The following WEE1 variants were observed in gnomAD, a reference collection of about 807,000 sequenced individuals.
WEE1 encodes WEE1 G2 checkpoint kinase, also known as wee1-like protein kinase.
In WEE1, 16 loss-of-function variants were observed where a neutral mutation model predicts 68.8. The observed-to-expected ratio is 0.23, with a 90% CI of 0.16 to 0.35. The LOEUF (loss-of-function observed/expected upper bound fraction) is 0.35. Among genes scored for constraint, WEE1 ranks in the 10% least tolerant of loss-of-function variants. WEE1 has a pLI of 1.00. For synonymous variants in WEE1, 349 were observed against 318.7 expected (o/e 1.09, Z -1.01); for missense variants, 651 against 824.1 (o/e 0.79, Z 2.57).
At chr11:9,575,057 C>G (rs571874389) in intron 1 of WEE1, 1 of 985,660 alleles carries the variant, frequency 1.0e-6, no homozygotes, top group East Asian at 1.1e-4. Flanking sequence ...GGCTGGCCTT[C>G]CAAGCATTTA....
chr11:9,574,404 C>T lies in WEE1; in HGVS notation c.471C>T (p.Arg157=). 8.2e-7 allele frequency: 1 copy of T among 1,213,306 alleles called. No homozygotes were observed. The highest frequency in any genetic ancestry group is 1.0e-6 in the Non-Finnish European group (1 of 980,528). The allele number at this position is 1,213,306 out of a possible 1,614,324, so 75.2% of individuals were successfully genotyped here. ...GDASPRGCGA[R]RAGEGRRSPR... The stretch of plus-strand genomic sequence containing the variant: ...CGTCGCCGCGGGGTTGCGGGGCGCG[C>T]CGGGCGGGCGAAGGCCGCCGCTCGC... The change falls in exon 1 of 11, where the codon CGC becomes CGT. Residue 157 remains arginine (R), a synonymous_variant. Transcript: ENST00000450114. The surrounding 1 kb of genome is among the most constrained non-coding windows in gnomAD (Gnocchi z 4.9).
rs1589975947 is a variant in WEE1 at position 9,574,615 on chromosome 11, G to A, written c.576+106G>A. The A allele has an allele frequency of 8.9e-7, 1 of 1,120,528 alleles. No homozygotes were observed. Among genetic ancestry groups the A allele is most frequent in the South Asian group, 4.4e-5 (1 of 22,810 alleles). 69.4% of individuals were successfully genotyped at this position (1,120,528 alleles called of 1,614,324 possible). A position where few individuals can be genotyped will look rare whatever the true frequency, so the allele number is the denominator to read the frequency against. ...AGAAGCGGCCGGCCGCTCCCCCCTC[G>A]CTTTCCTGCGCCGCCCCCCAAAGTT... On this transcript the variant is annotated intron_variant, in intron 1 of 10. Coordinates refer to ENST00000450114, the MANE Select transcript of WEE1 (RefSeq NM_003390.4). This position sits in a 1 kb window ranked among gnomAD's most constrained non-coding sequence, Gnocchi z 4.9.
Position 9,576,422 on chromosome 11 carries a change from C to T in WEE1, c.847-65C>T. ...TTAAATTTCACACATAGCCCTATCA[C>T]CATAGCAAGAAATAACTGTTTTCGT... On this transcript the variant is annotated intron_variant, in intron 3 of 10. Transcript: ENST00000450114. The surrounding 1 kb of genome is among the most constrained non-coding windows in gnomAD (Gnocchi z 4.3). 1.3e-6 allele frequency: 2 copies of T among 1,575,068 alleles called. No individual in the cohort carries two copies. The highest frequency in any genetic ancestry group is 1.7e-6 in the Non-Finnish European group (2 of 1,158,740).
chr11:9,574,785 C>A lies in WEE1; in HGVS notation c.576+276C>A, dbSNP rs1849545726. The A allele has an allele frequency of 9.9e-7, 1 of 1,008,452 alleles. No homozygotes were observed. 62.5% of individuals were successfully genotyped at this position (1,008,452 alleles called of 1,614,324 possible). A position where few individuals can be genotyped will look rare whatever the true frequency, so the allele number is the denominator to read the frequency against. On this transcript the variant is annotated intron_variant, in intron 1 of 10. Coordinates refer to ENST00000450114, the MANE Select transcript of WEE1 (RefSeq NM_003390.4). The surrounding 1 kb of genome is among the most constrained non-coding windows in gnomAD (Gnocchi z 4.9). ...GGATTTGCCGCCCGTTGAGTCCGGG[C>A]CGCCCCGAGCGTGTCAGCCCCGAGT...
At chr11:9,585,177 G>A in intron 6 of WEE1, 81 bp from the exon 7 acceptor site, 1 of 1,098,666 alleles carries the variant, frequency 9.1e-7, no homozygotes, top group Non-Finnish European at 1.4e-6. Context: ...AAGCATTATG[G>A]ATGATTCTGG....
At chr11:9,579,814 A>T (rs928140737) in intron 5 of WEE1, 1 of 152,214 alleles carries the variant, frequency 6.6e-6, no homozygotes, top group Non-Finnish European at 1.5e-5. Context: ...AGATACCGAG[A>T]TGTATAATTT....
Position 9,588,759 on chromosome 11 carries a change from A to G in WEE1, c.*157A>G. The G allele has an allele frequency of 7.8e-7, 1 of 1,283,864 alleles. No individual in the cohort carries two copies. The highest frequency in any genetic ancestry group is 9.9e-7 in the Non-Finnish European group (1 of 1,011,964). 79.5% of individuals were successfully genotyped at this position (1,283,864 alleles called of 1,614,324 possible). ...AATTACAGTTGAAAGCTGTATTTTG[A>G]TGATTGCTATGTCAGGCTTTCATCT... On this transcript the variant is annotated 3_prime_UTR_variant, in exon 11 of 11. Coordinates refer to ENST00000450114, the MANE Select transcript of WEE1 (RefSeq NM_003390.4).
chr11:9,580,192 A>G (rs183485345), intron 5 of WEE1: 2 of 151,944 alleles, frequency 1.3e-5, no homozygotes, highest in East Asian at 1.9e-4. Context: ...TGCATTGACA[A>G]TGGGCATATA....
intron 5 of WEE1, 167 bp downstream of exon 5, chr11:9,577,430 C>T: frequency 1.3e-6 from 1 of 756,412 alleles, no homozygotes; most frequent in African/African-American, 1.8e-5. Flanking sequence ...CTTGTCCTTT[C>T]TGAAGCACCT....
Position 9,588,445 on chromosome 11 carries a change from T to A in WEE1, c.1788-4T>A. ...TAATACCTTGTTTTCTATTTTTATG[T>A]CAGAGAACTCAAGAAAGCACAGATG... On this transcript the variant is annotated splice_region_variant and splice_polypyrimidine_tract_variant and intron_variant, in intron 10 of 10. Coordinates refer to ENST00000450114, the MANE Select transcript of WEE1 (RefSeq NM_003390.4). 2 of 1,568,326 alleles carry A rather than the reference T, an allele frequency of 1.3e-6. No individual in the cohort carries two copies. Among genetic ancestry groups the A allele is most frequent in the Non-Finnish European group, 1.7e-6 (2 of 1,165,068 alleles).
rs762062749 is a variant in WEE1 at position 9,576,510 on chromosome 11, T to C, written c.870T>C (p.Asn290=). Residue 290 remains asparagine (N), a synonymous_variant, in exon 4 of 11, where the codon AAT becomes AAC. Coordinates refer to ENST00000450114, the MANE Select transcript of WEE1 (RefSeq NM_003390.4). The surrounding 1 kb of genome is among the most constrained non-coding windows in gnomAD (Gnocchi z 4.3). ...PAKRITITES[N]MKSRYTTEFH... Reference sequence around the variant, plus strand: ...AGAGAATTACAATTACTGAAAGCAATATGAAGTCCCGGTATACAACAGAAT... The same window carrying C: ...AGAGAATTACAATTACTGAAAGCAACATGAAGTCCCGGTATACAACAGAAT... 1 of 1,612,394 alleles carries C rather than the reference T, an allele frequency of 6.2e-7. No homozygotes were observed. Among genetic ancestry groups the C allele is most frequent in the Admixed American group, 1.7e-5 (1 of 59,612 alleles).
At chr11:9,585,054 C>A in intron 6 of WEE1, 1 of 550,062 alleles carries the variant, frequency 1.8e-6, no homozygotes, top group Non-Finnish European at 3.2e-6. Context: ...TGACAGAGCA[C>A]ACTGTCTCAA....
At position 9,589,754 on chromosome 11, in the gene WEE1, CTTAA is replaced by C. The variant is rs1412788422; in HGVS notation, c.*1155_*1158del. ...ATATTAAAAGTCACTCTGAGCTTAC[CTTAA>C]TTGTCTAAATCCTTGTGATGCCTGT... is the stretch of plus-strand genomic sequence containing the variant. On this transcript the variant is annotated 3_prime_UTR_variant, in exon 11 of 11. Coordinates refer to ENST00000450114, the MANE Select transcript of WEE1 (RefSeq NM_003390.4). 3.2e-5 allele frequency: 31 copies of C among 972,018 alleles called. No homozygotes were observed. The highest frequency in any genetic ancestry group is 1.1e-4 in the East Asian group (1 of 8,750). 60.2% of individuals were successfully genotyped at this position (972,018 alleles called of 1,614,324 possible).
chr11:9,581,043 G>A (rs561977172), intron 5 of WEE1: 10 of 153,184 alleles, frequency 6.5e-5, no homozygotes, highest in African/African-American at 2.4e-4. Context: ...GATCTAAGTT[G>A]AGCATCAGTA....
At chr11:9,586,975 G>GT in intron 10 of WEE1, 119 bp downstream of exon 10, 2 of 1,219,144 alleles carry the variant, frequency 1.6e-6, no homozygotes, top group Non-Finnish European at 2.2e-6. Context: ...TGTGTTTTTT[G>GT]TTTTTTGAGA....
intron 4 of WEE1, 22 bp from the exon 5 acceptor site, chr11:9,577,120 A>G (rs747909756): frequency 1.5e-5 from 24 of 1,590,886 alleles, no homozygotes; most frequent in African/African-American, 2.7e-5. Context: ...TTACCATTCT[A>G]TTAATCTCAA....
rs1296442030 is a variant in WEE1, at chr11:9,574,667, C to G, written c.576+158C>G. On this transcript the variant is annotated intron_variant, in intron 1 of 10. Coordinates refer to ENST00000450114, the MANE Select transcript of WEE1 (RefSeq NM_003390.4). The surrounding 1 kb of genome is among the most constrained non-coding windows in gnomAD (Gnocchi z 4.9). ...GCAGCCCTTGTGTTTGGCCCTGCCC[C>G]GAGGTTGTCCGTTGAGATTATGTAA... is the stretch of plus-strand genomic sequence containing the variant. The G allele has an allele frequency of 4.5e-6, 5 of 1,104,380 alleles. No individual in the cohort carries two copies. The South Asian group carries it at 1.8e-4, about 39-fold the overall frequency. The allele number at this position is 1,104,380 out of a possible 1,614,324, so 68.4% of individuals were successfully genotyped here.
chr11:9,574,638 G>T lies in WEE1; in HGVS notation c.576+129G>T. Reference sequence around the variant, plus strand: ...TCGCTTTCCTGCGCCGCCCCCCAAAGTTGGCAGCCCTTGTGTTTGGCCCTG... The same window carrying T: ...TCGCTTTCCTGCGCCGCCCCCCAAATTTGGCAGCCCTTGTGTTTGGCCCTG... On this transcript the variant is annotated intron_variant, in intron 1 of 10. Transcript: ENST00000450114. The surrounding 1 kb of genome is among the most constrained non-coding windows in gnomAD (Gnocchi z 4.9). 9.0e-7 allele frequency: 1 copy of T among 1,116,938 alleles called. No individual in the cohort carries two copies. The highest frequency in any genetic ancestry group is 1.1e-6 in the Non-Finnish European group (1 of 915,826). The allele number at this position is 1,116,938 out of a possible 1,614,324, so 69.2% of individuals were successfully genotyped here. A position where few individuals can be genotyped will look rare whatever the true frequency, so the allele number is the denominator to read the frequency against.
chr11:9,581,884 G>A (rs1163897473), intron 6 of WEE1, among the ~76,000 whole-genome samples: 1 of 152,148 alleles, frequency 6.6e-6, no homozygotes, highest in Non-Finnish European at 1.5e-5. Flanking sequence ...ACTTTTTTGA[G>A]ACAGTGTCTC....
Sources: allele counts gnomAD v4.1 joint callset (sites outside exome capture counted in the v4.1 genomes callset), GRCh38; gene constraint gnomAD v4.1.1; non-coding constraint Gnocchi (gnomAD v3.1); transcripts MANE v1.5; gene names NCBI Gene and HGNC (gene_info 2026-07-23, HGNC 2026-07-21).